The following HIVEP1 variants were observed in gnomAD, a reference collection of about 807,000 sequenced individuals.
HIVEP1 encodes the protein HIVEP zinc finger 1, also known as zinc finger protein 40.
A neutral mutation model predicts 180.0 loss-of-function variants in HIVEP1; 36 were observed. The observed-to-expected ratio is 0.20, with a 90% CI of 0.15 to 0.26. HIVEP1 has a LOEUF of 0.26. Among genes scored for constraint, HIVEP1 ranks in the 10% least tolerant of loss-of-function variants. HIVEP1 has a pLI of 1.00. For missense variants in HIVEP1, 3,143 were observed against 3,268.7 expected (o/e 0.96, Z 0.94); for synonymous variants, 1,239 against 1,239.0 (o/e 1.00, Z 0.00).
intron 2 of HIVEP1, among the ~76,000 whole-genome samples, chr6:12,086,965 CACTA>C (rs1226745686): frequency 6.6e-6 from 1 of 152,006 alleles, no homozygotes; most frequent in East Asian, 1.9e-4. Context: ...TATAAAAACA[CACTA>C]AATATAAACA....
rs1775473824 is a variant in HIVEP1 at position 12,120,101 on chromosome 6, A to G, written c.306A>G (p.Val102=). 3 of 1,613,066 alleles carry G rather than the reference A, an allele frequency of 1.9e-6. No homozygotes were observed. Among genetic ancestry groups the G allele is most frequent in the Non-Finnish European group, 2.5e-6 (3 of 1,179,652 alleles). ...ESHKKQNYIP[V]KNGKQFTKQN... ...ACAAGAAACAGAATTATATTCCTGT[A>G]AAAAATGGGAAGCAGTTTACCAAAC... is the stretch of plus-strand genomic sequence containing the variant. Residue 102 remains valine (V), a synonymous_variant, in exon 4 of 9, where the codon GTA becomes GTG. Transcript: ENST00000379388.
At chr6:12,170,010 A>T in the HIVEP1 span, among the ~76,000 whole-genome samples, 1 of 152,040 alleles carries the variant, frequency 6.6e-6, no homozygotes, top group Non-Finnish European at 1.5e-5. Flanking sequence ...AGTCCCAGCT[A>T]CTTGGGAGGC....
intron 6 of HIVEP1, among the ~76,000 whole-genome samples, chr6:12,135,091 G>C (rs1758633360): frequency 6.6e-6 from 1 of 152,144 alleles, no homozygotes; most frequent in Admixed American, 6.5e-5. Flanking sequence ...ATGCCTACAG[G>C]CTTACCTGTC....
At position 12,016,817 on chromosome 6, in the gene HIVEP1, T is replaced by G. The variant is rs541797158; in HGVS notation, c.40+1149T>G. On this transcript the variant is annotated intron_variant, in intron 2 of 8. Coordinates refer to ENST00000379388, the MANE Select transcript of HIVEP1 (RefSeq NM_002114.4). ...TGTTTGCCCGTCCCCCTCACTAGAA[T>G]CTGAACTCCCTAGAGACTCACTCTC... is the stretch of plus-strand genomic sequence containing the variant. 2.0e-3 allele frequency among the ~76,000 whole-genome samples: 308 copies of G among 152,312 alleles called. 1 individual carries two copies. The highest frequency in any genetic ancestry group is 2.9e-3 in the Non-Finnish European group (197 of 68,018).
chr6:12,078,883 A>G (rs944162381), intron 2 of HIVEP1, among the ~76,000 whole-genome samples: 6 of 151,982 alleles, frequency 3.9e-5, no homozygotes, highest in Non-Finnish European at 8.8e-5. Flanking sequence ...AACCATCCGT[A>G]AATCTGCATC....
chr6:12,122,885 AAGG>A lies in HIVEP1; in HGVS notation c.3095_3097del (p.Arg1032del), dbSNP rs1456255392. The stretch of plus-strand genomic sequence containing the variant: ...GGGAACAGACGCCCCAGATAAGAAA[AAGG>A]AGGAAAATGAAAAGTGTTGGGGATG... On this transcript the variant is annotated inframe_deletion, in exon 4 of 9. Transcript: ENST00000379388. The A allele has an allele frequency of 3.7e-6, 6 of 1,614,100 alleles. No individual in the cohort carries two copies. Among genetic ancestry groups the A allele is most frequent in the Non-Finnish European group, 5.1e-6 (6 of 1,179,996 alleles).
At chr6:12,166,897 T>A (rs931056613), downstream of HIVEP1, among the ~76,000 whole-genome samples, 1 of 152,188 alleles carries the variant, frequency 6.6e-6, no homozygotes, top group Non-Finnish European at 1.5e-5. Flanking sequence ...TCCACTGCAA[T>A]GCCATCATCA....
chr6:12,023,662 T>C (rs1768397674), intron 2 of HIVEP1, among the ~76,000 whole-genome samples: 1 of 140,916 alleles, frequency 7.1e-6, no homozygotes, highest in South Asian at 2.3e-4. Flanking sequence ...CTCCTTTTTT[T>C]TTGCAGATAA....
chr6:12,111,043 AAC>A (rs992178002), intron 3 of HIVEP1, among the ~76,000 whole-genome samples: 3 of 152,228 alleles, frequency 2.0e-5, no homozygotes, highest in Admixed American at 2.0e-4. Context: ...GAGCAGTGAG[AAC>A]ACACACACAA....
At chr6:12,050,062 A>G (rs1279853224) in intron 2 of HIVEP1, among the ~76,000 whole-genome samples, 1 of 152,102 alleles carries the variant, frequency 6.6e-6, no homozygotes, top group Non-Finnish European at 1.5e-5. Flanking sequence ...CTCCTATCTG[A>G]TCAGCTTTGT....
the HIVEP1 span, among the ~76,000 whole-genome samples, chr6:12,209,732 A>G: frequency 9.9e-5 from 15 of 152,254 alleles, no homozygotes; most frequent in Non-Finnish European, 2.1e-4. Flanking sequence ...TTATACATGC[A>G]TAGATACACT....
intron 2 of HIVEP1, among the ~76,000 whole-genome samples, chr6:12,043,355 A>ATTTTTTTTTT (rs1304144063): frequency 9.1e-6 from 1 of 109,904 alleles, no homozygotes; most frequent in Non-Finnish European, 1.8e-5. Context: ...CTAAGTGAAA[A>ATTTTTTTTTT]TTTTTTTTTT....
intron 2 of HIVEP1, among the ~76,000 whole-genome samples, chr6:12,033,520 C>T (rs1040323161): frequency 1.3e-5 from 2 of 152,216 alleles, no homozygotes; most frequent in African/African-American, 4.8e-5. Flanking sequence ...TCTGCTCAAC[C>T]TCAGCGGTTC....
the HIVEP1 span, among the ~76,000 whole-genome samples, chr6:12,191,783 A>G: frequency 6.6e-6 from 1 of 152,244 alleles, no homozygotes; most frequent in Non-Finnish European, 1.5e-5. Context: ...TTCATATTTT[A>G]AACTACTTTC....
At chr6:12,059,025 C>G (rs1413863688) in intron 2 of HIVEP1, among the ~76,000 whole-genome samples, 1 of 151,746 alleles carries the variant, frequency 6.6e-6, no homozygotes, top group Non-Finnish European at 1.5e-5. Flanking sequence ...AATCTTGGCT[C>G]ACTGCAACCT....
intron 1 of HIVEP1, chr6:12,012,849 G>T (rs1767462675): frequency 6.5e-6 from 1 of 153,472 alleles, no homozygotes; most frequent in African/African-American, 2.4e-5. Flanking sequence ...TTGCAAGAGG[G>T]TGGGGGGTGA....
At position 12,018,793 on chromosome 6, in the gene HIVEP1, G is replaced by T. The variant is rs556208369; in HGVS notation, c.40+3125G>T. On this transcript the variant is annotated intron_variant, in intron 2 of 8. Coordinates refer to ENST00000379388, the MANE Select transcript of HIVEP1 (RefSeq NM_002114.4). Reference sequence around the variant, plus strand: ...TTGGGGACTCTGAGCAACTTTAAATGGTTCTCTACTTCTAGAGCATAAGAA... The same window carrying T: ...TTGGGGACTCTGAGCAACTTTAAATTGTTCTCTACTTCTAGAGCATAAGAA... Among the ~76,000 whole-genome samples the T allele has an allele frequency of 3.3e-5, 5 of 152,298 alleles. No individual in the cohort carries two copies. The South Asian group carries it at 1.0e-3, about 32-fold the overall frequency.
At chr6:12,119,762 A>C in intron 3 of HIVEP1, 128 bp from the exon 4 acceptor site, 1 of 625,706 alleles carries the variant, frequency 1.6e-6, no homozygotes, top group South Asian at 2.8e-5. Flanking sequence ...TTTAAAAAAT[A>C]GACTTTCCTT....
At position 12,015,797 on chromosome 6, in the gene HIVEP1, A is replaced by AT. The variant is rs1767703063; in HGVS notation, c.40+132dup. 13 of 741,254 alleles carry AT rather than the reference A, an allele frequency of 1.8e-5. No individual in the cohort carries two copies. The South Asian group carries it at 2.2e-4, about 12-fold the overall frequency. The allele number at this position is 741,254 out of a possible 1,614,324, so 45.9% of individuals were successfully genotyped here. A position where few individuals can be genotyped will look rare whatever the true frequency, so the allele number is the denominator to read the frequency against. On this transcript the variant is annotated intron_variant, in intron 2 of 8. Transcript: ENST00000379388. Reference sequence around the variant, plus strand: ...GTGAGGAGCGCTATTTCTCTTGCTCATTTCCAGCAGTCCTGCACAATTCCT... The same window carrying AT: ...GTGAGGAGCGCTATTTCTCTTGCTCATTTTCCAGCAGTCCTGCACAATTCCT...
Sources: gnomAD v4.1 joint callset for allele counts (sites outside exome capture counted in the v4.1 genomes callset) on GRCh38, gnomAD v4.1.1 for gene constraint, MANE v1.5 for transcripts, NCBI Gene and HGNC (gene_info 2026-07-23, HGNC 2026-07-21) for gene names.